Variants in MPHOSPH9 observed in about 807,000 individuals in gnomAD.
The protein encoded by MPHOSPH9 is M-phase phosphoprotein 9.
A neutral mutation model predicts 145.5 loss-of-function variants in MPHOSPH9; 88 were observed. The observed-to-expected ratio is 0.60, with a 90% CI of 0.51 to 0.72. The LOEUF (loss-of-function observed/expected upper bound fraction) is 0.72. Among genes scored for constraint, MPHOSPH9 ranks in the 30% least tolerant of loss-of-function variants. The pLI, the probability that MPHOSPH9 is intolerant of heterozygous loss-of-function variation, is 0.00. For synonymous variants in MPHOSPH9, 435 were observed against 486.2 expected, an observed-to-expected ratio of 0.89 and a Z score of 1.39; for missense variants, 1,238 against 1,386.6, an observed-to-expected ratio of 0.89 and a Z score of 1.70.
At chr12:123,215,039 C>T (rs543362690) in intron 6 of MPHOSPH9, among the ~76,000 whole-genome samples, 13 of 152,190 alleles carry the variant, frequency 8.5e-5, no homozygotes, top group African/African-American at 2.6e-4. Context: ...CTCAAAAGTT[C>T]GAAAACAGCC....
chr12:123,183,547 C>CAAAAAAAAAA (rs746928699), intron 13 of MPHOSPH9, among the ~76,000 whole-genome samples: 5 of 59,962 alleles, frequency 8.3e-5, no homozygotes, highest in East Asian at 1.3e-3. Flanking sequence ...GACTCTGTCT[C>CAAAAAAAAAA]AAAAAAAAAA....
rs1326909929 is a variant in MPHOSPH9, at chr12:123,164,061, T to C, written c.2797A>G (p.Asn933Asp). 6.2e-7 allele frequency: 1 copy of C among 1,614,176 alleles called. No individual in the cohort carries two copies. ...CACTTTTCTGGAGAACGACTTGCAT[T>C]AACTGAAGTTTCAGTTTGCCGAGGA... is the stretch of plus-strand genomic sequence containing the variant. ...INPRQTETSVNASRSPEKCAQ... is the reference protein window; with the variant it reads ...INPRQTETSVDASRSPEKCAQ... The change falls in exon 19 of 24, where the codon AAT (asparagine) becomes GAT (aspartate). Residue 933 changes from asparagine (N) to aspartate (D), a missense_variant. Physicochemically the swap from Asn to Asp is conservative, Grantham distance 23. This residue lies in a region of MPHOSPH9 where 393 missense variants were observed against 462.5 expected (regional missense o/e 0.85). Coordinates refer to ENST00000606320, the MANE Select transcript of MPHOSPH9 (RefSeq NM_022782.4).
At chr12:123,160,698 A>G in intron 23 of MPHOSPH9, 83 bp downstream of exon 23, 2 of 1,305,334 alleles carry the variant, frequency 1.5e-6, no homozygotes, top group African/African-American at 1.5e-5. Context: ...TCACTGTGCC[A>G]TGATTTTTTA....
At chr12:123,227,741 A>C (rs2047485243) in intron 2 of MPHOSPH9, 125 bp from the exon 3 acceptor site, 5 of 765,778 alleles carry the variant, frequency 6.5e-6, no homozygotes, top group East Asian at 3.1e-5. Flanking sequence ...ATGGCACCTC[A>C]TTTGTTCAAA....
chr12:123,161,847 T>C (rs1437344681), intron 21 of MPHOSPH9, among the ~76,000 whole-genome samples: 1 of 152,052 alleles, frequency 6.6e-6, no homozygotes, highest in East Asian at 1.9e-4. Context: ...AAGCTGCATA[T>C]AGAGAATAAA....
intron 5 of MPHOSPH9, among the ~76,000 whole-genome samples, chr12:123,220,496 C>G (rs1016119256): frequency 6.7e-5 from 10 of 150,330 alleles, no homozygotes; most frequent in African/African-American, 2.0e-4. Flanking sequence ...ACCAGGGAGG[C>G]AAAGGTTGCA....
chr12:123,163,084 G>A lies in MPHOSPH9; in HGVS notation c.2959C>T (p.Arg987Ter), dbSNP rs751354790. 3 of 1,595,082 alleles carry A rather than the reference G, an allele frequency of 1.9e-6. No homozygotes were observed. Among genetic ancestry groups the A allele is most frequent in the Non-Finnish European group, 2.6e-6 (3 of 1,174,388 alleles). Reference sequence around the variant, plus strand: ...GGGGACAAGTTTTCTTTAGGGGATCGCTTTGGACTATAAGCCACAGTCACT... The same window carrying A: ...GGGGACAAGTTTTCTTTAGGGGATCACTTTGGACTATAAGCCACAGTCACT... ...TPVTVAYSPK[R>*]SPKENLSPGF... Residue 987 changes from arginine to a stop codon, truncating the protein, a stop_gained, in exon 20 of 24, where the codon CGA becomes TGA. Coordinates refer to ENST00000606320, the MANE Select transcript of MPHOSPH9 (RefSeq NM_022782.4). LOFTEE classifies it high-confidence loss of function.
chr12:123,200,158 G>A (rs557308101), intron 11 of MPHOSPH9, among the ~76,000 whole-genome samples: 4 of 152,082 alleles, frequency 2.6e-5, no homozygotes, highest in Non-Finnish European at 4.4e-5. Context: ...TAACACCAGG[G>A]GGATTCTCCA....
intron 15 of MPHOSPH9, among the ~76,000 whole-genome samples, chr12:123,178,597 C>T (rs1565914809): frequency 6.6e-6 from 1 of 152,106 alleles, no homozygotes; most frequent in Non-Finnish European, 1.5e-5. Flanking sequence ...GATCTTGGCT[C>T]ACTGCAACCT....
chr12:123,183,141 C>A (rs1239097479), intron 13 of MPHOSPH9, among the ~76,000 whole-genome samples: 1 of 152,130 alleles, frequency 6.6e-6, no homozygotes, highest in East Asian at 1.9e-4. Context: ...ACAGAATTTT[C>A]TTCTCTTCAC....
chr12:123,175,681 C>G (rs2044826041), intron 16 of MPHOSPH9, among the ~76,000 whole-genome samples: 1 of 149,106 alleles, frequency 6.7e-6, no homozygotes, highest in African/African-American at 2.5e-5. Flanking sequence ...CACCCCACAC[C>G]TCCTGCTCCA....
intron 16 of MPHOSPH9, among the ~76,000 whole-genome samples, chr12:123,174,602 G>A (rs1294705747): frequency 1.3e-5 from 2 of 152,010 alleles, no homozygotes; most frequent in East Asian, 3.9e-4. Context: ...TCGATCTCCT[G>A]ACCTCGTGAT....
intron 15 of MPHOSPH9, among the ~76,000 whole-genome samples, chr12:123,177,871 C>A (rs1287141837): frequency 4.0e-5 from 6 of 150,488 alleles, no homozygotes; most frequent in African/African-American, 9.8e-5. Context: ...AAAAAAAAAA[C>A]CTTTCTAATT....
chr12:123,237,900 CT>C (rs34786765), upstream of MPHOSPH9, among the ~76,000 whole-genome samples: 201 of 147,902 alleles, frequency 1.4e-3, no homozygotes, highest in African/African-American at 3.8e-3. Flanking sequence ...CACCAAAACA[CT>C]TTTTTTTTTT....
At chr12:123,168,008 C>T (rs575008360) in intron 16 of MPHOSPH9, among the ~76,000 whole-genome samples, 2 of 152,296 alleles carry the variant, frequency 1.3e-5, no homozygotes, top group African/African-American at 4.8e-5. Context: ...AACCAATACT[C>T]CAAAGACTGT....
chr12:123,178,257 T>A (rs1454880226), intron 15 of MPHOSPH9, among the ~76,000 whole-genome samples: 1 of 152,232 alleles, frequency 6.6e-6, no homozygotes, highest in Admixed American at 6.5e-5. Context: ...AAACTCGAAT[T>A]CTTACCTACT....
chr12:123,202,351 G>A (rs1362627252), intron 10 of MPHOSPH9, 32 bp from the exon 11 acceptor site: 2 of 1,550,840 alleles, frequency 1.3e-6, no homozygotes, highest in African/African-American at 1.4e-5. Context: ...ATATATATTA[G>A]GAAAGCTATC....
chr12:123,187,244 A>T, intron 13 of MPHOSPH9, among the ~76,000 whole-genome samples: 1 of 152,156 alleles, frequency 6.6e-6, no homozygotes, highest in East Asian at 1.9e-4. Context: ...TGGGCAATAA[A>T]AGCGAAACTC....
chr12:123,193,449 C>CAGATTACT (rs2045798879), intron 13 of MPHOSPH9, among the ~76,000 whole-genome samples: 1 of 152,110 alleles, frequency 6.6e-6, no homozygotes. Context: ...TAAATACTTT[C>CAGATTACT]AGATTACTCA....
Sources: gnomAD v4.1 joint callset for allele counts (sites outside exome capture counted in the v4.1 genomes callset) on GRCh38, gnomAD v4.1.1 for gene constraint, gnomAD v4.1.1 regional missense constraint, MANE v1.5 for transcripts, NCBI Gene and HGNC (gene_info 2026-07-23, HGNC 2026-07-21) for gene names.